The following TBCD variants were observed in gnomAD, a reference collection of about 807,000 sequenced individuals.
TBCD encodes the protein tubulin-specific chaperone D.
Under a neutral mutation model 169.3 loss-of-function variants are expected in TBCD, and 105 were observed. That is an observed-to-expected ratio of 0.62 (90% confidence interval 0.53 to 0.73). TBCD has a LOEUF of 0.73. TBCD is among the 30% of genes least tolerant of loss of function. The pLI, the probability that TBCD is intolerant of heterozygous loss-of-function variation, is 0.00. For missense variants in TBCD, 1,444 were observed against 1,600.1 expected, an observed-to-expected ratio of 0.90 and a Z score of 1.66; for synonymous variants, 700 against 643.9, an observed-to-expected ratio of 1.09 and a Z score of -1.32.
At chr17:82,762,657 G>C (rs771980807) in intron 2 of TBCD, among the ~76,000 whole-genome samples, 1 of 151,892 alleles carries the variant, frequency 6.6e-6, no homozygotes, top group Non-Finnish European at 1.5e-5. Context: ...GCTGAGGCAC[G>C]AGAATTACTT....
At chr17:82,934,085 C>T (rs1015578360) in intron 34 of TBCD, among the ~76,000 whole-genome samples, 1 of 152,246 alleles carries the variant, frequency 6.6e-6, no homozygotes, top group East Asian at 1.9e-4. Context: ...ACAGCGTCCT[C>T]GTACTCAGGT....
In TBCD at chr17:82,831,526, T is replaced by C; in HGVS notation, c.1318+16592T>C. ...AGGAATCGGCAGGTTAGAGGGATAT[T>C]GCTGGAAAAACCTGTAGTGATCGTA... On this transcript the variant is annotated intron_variant, in intron 13 of 38. Transcript: ENST00000355528. This position sits in a 1 kb window ranked among gnomAD's most constrained non-coding sequence, Gnocchi z 4.6. The C allele has an allele frequency of 6.2e-7, 1 of 1,614,058 alleles. No individual in the cohort carries two copies. Among genetic ancestry groups the C allele is most frequent in the Non-Finnish European group, 8.5e-7 (1 of 1,179,998 alleles).
At chr17:82,803,897 C>T (rs1233415689) in intron 9 of TBCD, among the ~76,000 whole-genome samples, 1 of 148,230 alleles carries the variant, frequency 6.7e-6, no homozygotes, top group Non-Finnish European at 1.5e-5. Context: ...GGTGTGCCAG[C>T]CATGGGCCAT....
intron 6 of TBCD, among the ~76,000 whole-genome samples, chr17:82,774,420 A>G (rs1245986099): frequency 1.3e-5 from 2 of 152,234 alleles, no homozygotes; most frequent in African/African-American, 4.8e-5. Context: ...CTTAGTACAG[A>G]ACAAAATCGA....
Position 82,930,600 on chromosome 17 carries a change from G to A in TBCD, c.3070G>A (p.Gly1024Arg), listed in dbSNP as rs1013268942. 9.9e-6 allele frequency: 16 copies of A among 1,613,836 alleles called. No individual in the cohort carries two copies. Among genetic ancestry groups the A allele is most frequent in the Admixed American group, 3.3e-5 (2 of 60,008 alleles). The change falls in exon 33 of 39, where the codon GGG becomes AGG. Residue 1024 changes from glycine (G) to arginine (R), a missense_variant. Transcript: ENST00000355528. This position sits in a 1 kb window ranked among gnomAD's most constrained non-coding sequence, Gnocchi z 5.2. ...SDPQALGSFS[G>R]TLLQIFEDNL... Reference sequence around the variant, plus strand: ...CCCGCAGGCCCTGGGCAGCTTCAGCGGGACCCTTCTGCAGATCTTTGAGGA... The same window carrying A: ...CCCGCAGGCCCTGGGCAGCTTCAGCAGGACCCTTCTGCAGATCTTTGAGGA...
At chr17:82,941,511 G>A (rs779933194) in intron 38 of TBCD, 28 bp downstream of exon 38, 8 of 1,555,964 alleles carry the variant, frequency 5.1e-6, no homozygotes, top group East Asian at 4.8e-5. Context: ...ACAGCATGAG[G>A]TGCCTGTGCT....
chr17:82,752,479 C>T (rs1393690562), intron 1 of TBCD, 102 bp downstream of exon 1: 22 of 967,800 alleles, frequency 2.3e-5, no homozygotes, highest in South Asian at 5.1e-5. Context: ...GCGCCGGCCG[C>T]TCTGCGAGGG....
Position 82,903,132 on chromosome 17 carries a change from C to T in TBCD, c.1731-273C>T, listed in dbSNP as rs1056946957. 4.6e-5 allele frequency among the ~76,000 whole-genome samples: 7 copies of T among 152,064 alleles called. No homozygotes were observed. The highest frequency in any genetic ancestry group is 2.1e-4 in the South Asian group (1 of 4,806). ...CAGAGTAGCGTGGGGGTGGGGAGGC[C>T]GGACACCCAATTGCCACCTGGCCCT... On this transcript the variant is annotated intron_variant, in intron 18 of 38. Transcript: ENST00000355528. This position sits in a 1 kb window ranked among gnomAD's most constrained non-coding sequence, Gnocchi z 4.8.
intron 13 of TBCD, among the ~76,000 whole-genome samples, chr17:82,834,094 A>G (rs2053754930): frequency 6.6e-6 from 1 of 152,066 alleles, no homozygotes; most frequent in Non-Finnish European, 1.5e-5. Context: ...ACAGGCGCCC[A>G]CCACCATGCC....
At chr17:82,805,126 C>T (rs1179933771) in intron 9 of TBCD, among the ~76,000 whole-genome samples, 3 of 152,252 alleles carry the variant, frequency 2.0e-5, no homozygotes, top group Non-Finnish European at 4.4e-5. Flanking sequence ...ACGCGGGGGC[C>T]TTGCTCAGCG....
At chr17:82,895,933 T>G (rs2059446461) in intron 17 of TBCD, 2 of 152,156 alleles carry the variant, frequency 1.3e-5, no homozygotes, top group Non-Finnish European at 2.9e-5. Context: ...CTCCTGTTCA[T>G]CATCACAGCC....
Position 82,805,954 on chromosome 17 carries a change from C to T in TBCD, c.1030C>T (p.Leu344=). 6.2e-7 allele frequency: 1 copy of T among 1,613,834 alleles called. No individual in the cohort carries two copies. The highest frequency in any genetic ancestry group is 8.5e-7 in the Non-Finnish European group (1 of 1,179,790). ...TCAGAGTGAGCAGAAGCCACTCATC[C>T]TGACCGAAGATGACGACGAAGATGA... ...QGQSEQKPLI[L]TEDDDEDDDV... The change falls in exon 10 of 39, where the codon CTG becomes TTG. Residue 344 remains leucine, a synonymous_variant. Transcript: ENST00000355528.
chr17:82,916,303 G>A (rs1315347194), intron 23 of TBCD, among the ~76,000 whole-genome samples: 2 of 152,040 alleles, frequency 1.3e-5, no homozygotes, highest in African/African-American at 2.4e-5. Context: ...GAGTCACAGT[G>A]GCGCGATCTC....
chr17:82,873,834 A>G (rs1006655796), intron 14 of TBCD, among the ~76,000 whole-genome samples: 14 of 152,174 alleles, frequency 9.2e-5, no homozygotes, highest in African/African-American at 3.4e-4. Context: ...CCTGATTCAC[A>G]GAGGCTGGGG....
intron 11 of TBCD, 106 bp from the exon 12 acceptor site, chr17:82,809,602 G>C: frequency 8.0e-7 from 1 of 1,246,224 alleles, no homozygotes; most frequent in South Asian, 1.3e-5. Flanking sequence ...CTTCTCTCCT[G>C]GTCTCTGGAG....
chr17:82,829,672 GTGT>G (rs1200336357), intron 13 of TBCD: 1 of 169,222 alleles, frequency 5.9e-6, no homozygotes, highest in African/African-American at 2.4e-5. Flanking sequence ...TGATGTTTGT[GTGT>G]TATTTAGTTA....
intron 14 of TBCD, among the ~76,000 whole-genome samples, chr17:82,878,166 GGACCCCGCAT>G (rs2058094726): frequency 6.6e-6 from 1 of 152,184 alleles, no homozygotes; most frequent in Non-Finnish European, 1.5e-5. Flanking sequence ...GGTCTGCCCG[GGACCCCGCAT>G]GGCATCTGGT....
rs375681179 is a variant in TBCD, at chr17:82,915,205, G to A, written c.2038+3416G>A. Reference sequence around the variant, plus strand: ...TGGCGCCCTTACCCCCGAGGACGCCGGCATGTCGGTGACATGCCGCCCGCA... The same window carrying A: ...TGGCGCCCTTACCCCCGAGGACGCCAGCATGTCGGTGACATGCCGCCCGCA... On this transcript the variant is annotated intron_variant, in intron 23 of 38. Coordinates refer to ENST00000355528, the MANE Select transcript of TBCD (RefSeq NM_005993.5). The surrounding 1 kb of genome is among the most constrained non-coding windows in gnomAD (Gnocchi z 4.3). Among the ~76,000 whole-genome samples, 1 of 152,092 alleles carries A rather than the reference G, an allele frequency of 6.6e-6. No homozygotes were observed. Among genetic ancestry groups the A allele is most frequent in the Non-Finnish European group, 1.5e-5 (1 of 68,006 alleles).
chr17:82,883,917 G>A (rs11870340), intron 14 of TBCD, among the ~76,000 whole-genome samples: 4,279 of 152,070 alleles, frequency 0.028, 203 homozygotes, highest in African/African-American at 0.097. Flanking sequence ...CGTGGCTCTC[G>A]TTAGAACCAG....
Sources: allele counts gnomAD v4.1 joint callset (sites outside exome capture counted in the v4.1 genomes callset), GRCh38; gene constraint gnomAD v4.1.1; non-coding constraint Gnocchi (gnomAD v3.1); transcripts MANE v1.5; gene names NCBI Gene and HGNC (gene_info 2026-07-23, HGNC 2026-07-21).